IFT88: variants seen among roughly 807,000 people sequenced by gnomAD.
IFT88 encodes intraflagellar transport protein 88 homolog.
Under a neutral mutation model 119.5 loss-of-function variants are expected in IFT88, and 74 were observed. The ratio of observed to expected loss-of-function variants is 0.62; its 90% confidence interval spans 0.51 to 0.75. The LOEUF is 0.75. IFT88 is among the 30% of genes least tolerant of loss of function. The probability of loss-of-function intolerance (pLI) is 0.00; values close to 1 mark genes in which losing one functional copy is unlikely to be tolerated. For synonymous variants in IFT88, 279 were observed against 316.7 expected (o/e 0.88, Z 1.26); for missense variants, 961 against 977.7 (o/e 0.98, Z 0.23).
At chr13:20,572,949 C>T (rs2036671829) in intron 1 of IFT88, among the ~76,000 whole-genome samples, 1 of 152,126 alleles carries the variant, frequency 6.6e-6, no homozygotes, top group African/African-American at 2.4e-5. Flanking sequence ...GATAGTACTT[C>T]ATTGCGTAAG....
chr13:20,665,058 A>G lies in IFT88; in HGVS notation c.2175+1454A>G, dbSNP rs148863607. 1.8e-3 allele frequency among the ~76,000 whole-genome samples: 278 copies of G among 151,076 alleles called. 4 individuals are homozygous for G. The East Asian group carries it at 0.032, about 17-fold the overall frequency. On this transcript the variant is annotated intron_variant, in intron 23 of 25. Transcript: ENST00000351808. ...CCTGCCACTGCACTCCAGCCTGGGC[A>G]ACAGAGCGACACTCCGTCTCAAAAA...
chr13:20,621,794 T>C (rs2046563825), intron 14 of IFT88, among the ~76,000 whole-genome samples: 1 of 152,186 alleles, frequency 6.6e-6, no homozygotes, highest in East Asian at 1.9e-4. Flanking sequence ...TGTGTTTTAA[T>C]TCTGGGGGTT....
intron 15 of IFT88, among the ~76,000 whole-genome samples, chr13:20,627,146 A>AT (rs1360033349): frequency 1.3e-5 from 2 of 152,320 alleles, no homozygotes; most frequent in East Asian, 3.9e-4. Context: ...ACTATGCTTA[A>AT]TTTTTTGAGC....
intron 14 of IFT88, among the ~76,000 whole-genome samples, chr13:20,617,700 A>T (rs1470529039): frequency 6.6e-6 from 1 of 152,220 alleles, no homozygotes; most frequent in Non-Finnish European, 1.5e-5. Context: ...CCTGAATTGG[A>T]CTGAACTCCA....
intron 8 of IFT88, 53 bp downstream of exon 8, chr13:20,596,293 G>C: frequency 1.3e-6 from 1 of 744,576 alleles, no homozygotes; most frequent in Non-Finnish European, 2.2e-6. Context: ...ATGTATGTCT[G>C]CTTTTATACA....
At chr13:20,625,464 A>C (rs917294967) in intron 14 of IFT88, among the ~76,000 whole-genome samples, 4 of 152,206 alleles carry the variant, frequency 2.6e-5, no homozygotes, top group Admixed American at 6.5e-5. Flanking sequence ...CGTCTGTTAC[A>C]AATTGTTATA....
chr13:20,689,177 C>T (rs868706985), intron 24 of IFT88, among the ~76,000 whole-genome samples: 15 of 152,210 alleles, frequency 9.9e-5, no homozygotes, highest in African/African-American at 3.6e-4. Flanking sequence ...CGTGATCTGC[C>T]TGCCTTGGCC....
At chr13:20,632,001 G>T (rs1165370329) in intron 16 of IFT88, 1 of 151,882 alleles carries the variant, frequency 6.6e-6, no homozygotes, top group African/African-American at 2.4e-5. Flanking sequence ...AAAATTAGCT[G>T]GGCATGATGG....
At chr13:20,686,357 A>G (rs949959247) in intron 24 of IFT88, among the ~76,000 whole-genome samples, 2 of 152,224 alleles carry the variant, frequency 1.3e-5, no homozygotes, top group African/African-American at 4.8e-5. Flanking sequence ...GGATCTTTAA[A>G]ATGTGTTATA....
At chr13:20,620,236 AGG>A (rs2046264351) in intron 14 of IFT88, among the ~76,000 whole-genome samples, 1 of 151,956 alleles carries the variant, frequency 6.6e-6, no homozygotes, top group Admixed American at 6.6e-5. Context: ...TTTCTGTAGT[AGG>A]GCTATCCAGT....
intron 24 of IFT88, among the ~76,000 whole-genome samples, chr13:20,687,115 C>T (rs1234497276): frequency 6.6e-6 from 1 of 151,320 alleles, no homozygotes; most frequent in Non-Finnish European, 1.5e-5. Flanking sequence ...GTATGCATTG[C>T]CTTGTAAAAA....
chr13:20,655,171 C>T lies in IFT88; in HGVS notation c.2003-1194C>T, dbSNP rs371523193. On this transcript the variant is annotated intron_variant, in intron 21 of 25. Coordinates refer to ENST00000351808, the MANE Select transcript of IFT88 (RefSeq NM_006531.5). ...TGTAAAGGCCGGACACAGTGGCTCA[C>T]GCCTGTAATTCCAGCACTTTGGGAG... 3.2e-4 allele frequency among the ~76,000 whole-genome samples: 49 copies of T among 152,326 alleles called. No homozygotes were observed. The East Asian group carries it at 5.4e-3, about 17-fold the overall frequency.
chr13:20,681,290 A>G (rs770163533), intron 24 of IFT88, among the ~76,000 whole-genome samples: 3 of 152,190 alleles, frequency 2.0e-5, no homozygotes, highest in Non-Finnish European at 4.4e-5. Flanking sequence ...CAGGTAGCCC[A>G]AACAAAGTGA....
intron 22 of IFT88, among the ~76,000 whole-genome samples, chr13:20,660,480 A>C (rs144621025): frequency 0.019 from 2,838 of 152,330 alleles, 30 homozygotes; most frequent in South Asian, 0.033. Context: ...TGATTAACTC[A>C]AGCTTCTGTA....
chr13:20,599,224 G>A (rs888486755), intron 10 of IFT88, among the ~76,000 whole-genome samples: 6 of 152,024 alleles, frequency 3.9e-5, no homozygotes, highest in African/African-American at 1.2e-4. Context: ...GCACAATAAT[G>A]TAAATCAGTT....
At chr13:20,686,120 G>T (rs1002259049) in intron 24 of IFT88, among the ~76,000 whole-genome samples, 1 of 152,148 alleles carries the variant, frequency 6.6e-6, no homozygotes, top group African/African-American at 2.4e-5. Flanking sequence ...AGCTTCCTTG[G>T]CTGATCTTTA....
intron 9 of IFT88, among the ~76,000 whole-genome samples, chr13:20,597,712 C>T (rs1003968483): frequency 1.1e-4 from 17 of 150,654 alleles, no homozygotes; most frequent in African/African-American, 3.9e-4. Flanking sequence ...CCACCACACT[C>T]CAGAGCCTGG....
At chr13:20,662,878 A>G (rs1029950735) in intron 22 of IFT88, among the ~76,000 whole-genome samples, 1 of 152,202 alleles carries the variant, frequency 6.6e-6, no homozygotes, top group Admixed American at 6.5e-5. Context: ...GCAGAACTAA[A>G]CAATATGTCA....
intron 24 of IFT88, among the ~76,000 whole-genome samples, chr13:20,685,635 C>T (rs1023215428): frequency 6.6e-6 from 1 of 152,192 alleles, no homozygotes; most frequent in Non-Finnish European, 1.5e-5. Flanking sequence ...CTTTGGGAGG[C>T]CAAGGCAGGC....
Sources: allele counts gnomAD v4.1 joint callset (sites outside exome capture counted in the v4.1 genomes callset), GRCh38; gene constraint gnomAD v4.1.1; transcripts MANE v1.5; gene names NCBI Gene and HGNC (gene_info 2026-07-23, HGNC 2026-07-21).